Variants in WDR41 observed in about 807,000 individuals in gnomAD.
The protein encoded by WDR41 is WD repeat domain 41, also known as WD repeat-containing protein 41.
Under a neutral mutation model 69.3 loss-of-function variants are expected in WDR41, and 63 were observed. The observed-to-expected ratio is 0.91, with a 90% CI of 0.74 to 1.12. The LOEUF (loss-of-function observed/expected upper bound fraction) is 1.12, where lower values mean the gene tolerates loss of function less well. Ranked by LOEUF, WDR41 falls within the 50% of genes most tolerant of loss-of-function variation. The pLI, the probability that WDR41 is intolerant of heterozygous loss-of-function variation, is 0.00. For synonymous variants in WDR41, 185 were observed against 192.1 expected (o/e 0.96, Z 0.31); for missense variants, 543 against 534.5 (o/e 1.02, Z -0.16).
intron 1 of WDR41, among the ~76,000 whole-genome samples, chr5:77,599,131 T>G (rs1744279875): frequency 6.6e-6 from 1 of 151,898 alleles, no homozygotes; most frequent in Admixed American, 6.6e-5. Context: ...GTTTTTTTTT[T>G]TTCTATTGAT....
chr5:77,472,248 A>T (rs897901900), intron 2 of WDR41, among the ~76,000 whole-genome samples: 2 of 152,224 alleles, frequency 1.3e-5, no homozygotes, highest in African/African-American at 4.8e-5. Flanking sequence ...AACTCTCAAT[A>T]AATTAGGTAT....
At chr5:77,448,890 A>AACAAACAC (rs769630165) in intron 8 of WDR41, among the ~76,000 whole-genome samples, 2,501 of 148,938 alleles carry the variant, frequency 0.017, 56 homozygotes, top group African/African-American at 0.058. Context: ...CAAACAAACA[A>AACAAACAC]ACACAAACAA....
At position 77,470,713 on chromosome 5, in the gene WDR41, C is replaced by CA. The variant is rs748071249; in HGVS notation, c.168-5905dup. Among the ~76,000 whole-genome samples the CA allele has an allele frequency of 2.6e-4, 39 of 152,132 alleles. 1 individual carries two copies. Among genetic ancestry groups the CA allele is most frequent in the Admixed American group, 6.6e-4 (10 of 15,262 alleles). On this transcript the variant is annotated intron_variant, in intron 2 of 12. Coordinates refer to ENST00000296679, the MANE Select transcript of WDR41 (RefSeq NM_018268.4). ...TTACATCATGGTAAAGGGATCAATTCACAAGAAGAGCTAACTATCCTAAAT... is the reference window on the plus strand; with the variant it reads ...TTACATCATGGTAAAGGGATCAATTCAACAAGAAGAGCTAACTATCCTAAAT...
At chr5:77,467,475 T>G (rs911065946) in intron 2 of WDR41, among the ~76,000 whole-genome samples, 3 of 152,044 alleles carry the variant, frequency 2.0e-5, no homozygotes, top group African/African-American at 7.2e-5. Context: ...GACACTCTTA[T>G]TTTATTTACC....
intron 1 of WDR41, among the ~76,000 whole-genome samples, chr5:77,508,327 T>G (rs555314959): frequency 6.6e-6 from 1 of 152,242 alleles, no homozygotes; most frequent in East Asian, 1.9e-4. Flanking sequence ...TTGCCCAGAC[T>G]GATCTTGAAC....
chr5:77,590,314 C>T (rs1207580220), intron 1 of WDR41, among the ~76,000 whole-genome samples: 1 of 152,150 alleles, frequency 6.6e-6, no homozygotes, highest in Non-Finnish European at 1.5e-5. Flanking sequence ...CAGGCATCTC[C>T]TTTCACGATA....
intron 1 of WDR41, among the ~76,000 whole-genome samples, chr5:77,559,828 C>G (rs1743489355): frequency 6.6e-6 from 1 of 152,040 alleles, no homozygotes; most frequent in Non-Finnish European, 1.5e-5. Context: ...TTGCAGATAA[C>G]AGACCTAATT....
chr5:77,582,261 G>T, intron 1 of WDR41: 1 of 962,302 alleles, frequency 1.0e-6, no homozygotes. Context: ...ATTCCTAAAA[G>T]ACACAAATTA....
chr5:77,603,063 G>A (rs538272016), intron 1 of WDR41, among the ~76,000 whole-genome samples: 32 of 151,292 alleles, frequency 2.1e-4, no homozygotes, highest in African/African-American at 6.3e-4. Flanking sequence ...TCAGCCTCCC[G>A]AGTAGCTGGG....
intron 2 of WDR41, among the ~76,000 whole-genome samples, chr5:77,487,871 T>C (rs527492272): frequency 1.8e-4 from 28 of 152,280 alleles, no homozygotes; most frequent in Non-Finnish European, 3.8e-4. Flanking sequence ...TGCCTACTAA[T>C]GAAAGCTCTG....
intron 1 of WDR41, among the ~76,000 whole-genome samples, chr5:77,544,978 A>G (rs1388346338): frequency 2.6e-5 from 4 of 152,122 alleles, no homozygotes; most frequent in Non-Finnish European, 5.9e-5. Context: ...ACTCTCTCAG[A>G]CCACAGTGGA....
chr5:77,602,924 T>A (rs1744350488), intron 1 of WDR41, among the ~76,000 whole-genome samples: 3 of 151,232 alleles, frequency 2.0e-5, no homozygotes, highest in Non-Finnish European at 4.4e-5. Flanking sequence ...CTCACCAGCA[T>A]CTGTTATTTT....
At chr5:77,474,135 G>A (rs1800768549) in intron 2 of WDR41, among the ~76,000 whole-genome samples, 1 of 152,122 alleles carries the variant, frequency 6.6e-6, no homozygotes, top group Non-Finnish European at 1.5e-5. Flanking sequence ...GTCCTTTGTA[G>A]GGACATGGAT....
At position 77,431,725 on chromosome 5, in the gene WDR41, C is replaced by T. The variant is rs1345772390; in HGVS notation, c.*1410G>A. ...TGTGTCATACAACTTCAGAAAACAA[C>T]TTTACAAATGTATGGGCCAATGCAG... On this transcript the variant is annotated 3_prime_UTR_variant, in exon 13 of 13. Coordinates refer to ENST00000296679, the MANE Select transcript of WDR41 (RefSeq NM_018268.4). 6.6e-6 allele frequency: 1 copy of T among 152,130 alleles called. No homozygotes were observed. The highest frequency in any genetic ancestry group is 1.5e-5 in the Non-Finnish European group (1 of 68,016). 9.4% of individuals were successfully genotyped at this position (152,130 alleles called of 1,614,324 possible). A position where few individuals can be genotyped will look rare whatever the true frequency, so the allele number is the denominator to read the frequency against.
chr5:77,463,079 C>T lies in WDR41; in HGVS notation c.348+16G>A. ...GGCCACTACAGCTTGTTCATTTCTT[C>T]CAGATTAAAGGATACAATAACTGTT... On this transcript the variant is annotated intron_variant, in intron 4 of 12. Coordinates refer to ENST00000296679, the MANE Select transcript of WDR41 (RefSeq NM_018268.4). The T allele has an allele frequency of 6.2e-7, 1 of 1,609,258 alleles. No individual in the cohort carries two copies. Among genetic ancestry groups the T allele is most frequent in the South Asian group, 1.1e-5 (1 of 90,442 alleles).
At position 77,526,998 on chromosome 5, in the gene WDR41, T is replaced by A. The variant is rs139726130; in HGVS notation, c.43-37426A>T. 4.3e-3 allele frequency among the ~76,000 whole-genome samples: 659 copies of A among 152,128 alleles called. 2 individuals carry two copies. Among genetic ancestry groups the A allele is most frequent in the Middle Eastern group, 6.8e-3 (2 of 294 alleles). On this transcript the variant is annotated intron_variant, in intron 1 of 5. Transcript: ENST00000509971. Reference sequence around the variant, plus strand: ...ACTGTCTCTTTCCACATCTATGGAATCTTTTTAAACAAAAATGCAAATTTT... The same window carrying A: ...ACTGTCTCTTTCCACATCTATGGAAACTTTTTAAACAAAAATGCAAATTTT...
At chr5:77,447,672 A>G (rs1799438466) in intron 8 of WDR41, among the ~76,000 whole-genome samples, 2 of 152,220 alleles carry the variant, frequency 1.3e-5, no homozygotes, top group Non-Finnish European at 2.9e-5. Context: ...ACAGGAACAG[A>G]AAATCAAATG....
intron 2 of WDR41, among the ~76,000 whole-genome samples, chr5:77,470,904 C>T (rs894290306): frequency 6.6e-6 from 1 of 152,222 alleles, no homozygotes; most frequent in East Asian, 1.9e-4. Context: ...AGGAATTGAA[C>T]TTAGCTCTGC....
chr5:77,529,359 T>TA (rs944956389), intron 1 of WDR41, among the ~76,000 whole-genome samples: 6 of 151,114 alleles, frequency 4.0e-5, no homozygotes, highest in East Asian at 1.9e-4. Flanking sequence ...CTATTACTGA[T>TA]AAAAAAAACT....
Sources: gnomAD v4.1 joint callset for allele counts (sites outside exome capture counted in the v4.1 genomes callset) on GRCh38, gnomAD v4.1.1 for gene constraint, MANE v1.5 for transcripts, NCBI Gene and HGNC (gene_info 2026-07-23, HGNC 2026-07-21) for gene names.